Variants in FMO5 observed in about 807,000 individuals in gnomAD.
FMO5 encodes flavin-containing monooxygenase 5.
FMO5 carries 51 observed loss-of-function variants against 43.6 expected under a neutral mutation model. The ratio of observed to expected loss-of-function variants is 1.17; its 90% CI spans 0.93 to 1.48. The LOEUF is 1.48. FMO5 is among the 40% of genes most tolerant of loss of function. The pLI is 0.00. For missense variants in FMO5, 644 were observed against 643.0 expected, an observed-to-expected ratio of 1.00 and a Z score of -0.02; for synonymous variants, 187 against 216.5, an observed-to-expected ratio of 0.86 and a Z score of 1.20.
intron 2 of FMO5, chr1:147,223,740 TGCA>T: frequency 4.7e-6 from 1 of 210,648 alleles, no homozygotes; most frequent in South Asian, 6.8e-5. Context: ...TATATCAGGT[TGCA>T]GCAGCAAAGA....
At chr1:147,199,363 T>C (rs1311175836) in intron 7 of FMO5, among the ~76,000 whole-genome samples, 2 of 152,150 alleles carry the variant, frequency 1.3e-5, no homozygotes, top group African/African-American at 4.8e-5. Flanking sequence ...AACCCAGAGT[T>C]CCTGTTGGAA....
chr1:147,207,103 G>A (rs1046825654), intron 6 of FMO5, among the ~76,000 whole-genome samples: 1 of 152,016 alleles, frequency 6.6e-6, no homozygotes, highest in South Asian at 2.1e-4. Context: ...TTTTATCAAT[G>A]TTAAATTTCC....
chr1:147,194,308 T>C (rs587740240), intron 7 of FMO5, among the ~76,000 whole-genome samples: 6 of 152,294 alleles, frequency 3.9e-5, no homozygotes, highest in African/African-American at 1.4e-4. Context: ...AAGTCTGTTT[T>C]ATCAGAGACT....
chr1:147,224,752 C>T, intron 2 of FMO5, 143 bp downstream of exon 2: 3 of 706,006 alleles, frequency 4.2e-6, no homozygotes, highest in Non-Finnish European at 7.3e-6. Context: ...CCTCGTGATC[C>T]GCCCGCCTCG....
chr1:147,224,837 G>A (rs1189311450), intron 2 of FMO5, 58 bp downstream of exon 2: 6 of 1,536,152 alleles, frequency 3.9e-6, no homozygotes, highest in Non-Finnish European at 5.4e-6. Flanking sequence ...ATAAACTGTC[G>A]TATGCACCTA....
chr1:147,203,585 C>CG (rs1659435329), intron 6 of FMO5: 2 of 1,068,434 alleles, frequency 1.9e-6, no homozygotes, highest in Non-Finnish European at 2.9e-6. Flanking sequence ...TGCCAGTGCA[C>CG]GGGGAATAGC....
At chr1:147,204,079 A>G (rs1045984435) in intron 6 of FMO5, 2 of 1,117,002 alleles carry the variant, frequency 1.8e-6, no homozygotes, top group African/African-American at 3.1e-5. Context: ...TTGCACCAGT[A>G]TCAGCAATAG....
At chr1:147,206,979 T>G (rs1287339792) in intron 6 of FMO5, among the ~76,000 whole-genome samples, 1 of 151,668 alleles carries the variant, frequency 6.6e-6, no homozygotes, top group Admixed American at 6.6e-5. Flanking sequence ...ACATGACAAC[T>G]AAATGTAATG....
chr1:147,187,357 G>A, intron 8 of FMO5, 112 bp from the exon 9 acceptor site: 2 of 707,264 alleles, frequency 2.8e-6, no homozygotes, highest in Non-Finnish European at 4.7e-6. Context: ...AGGAGCTGTG[G>A]AATATAGAGA....
At chr1:147,198,776 A>G (rs587645632) in intron 7 of FMO5, among the ~76,000 whole-genome samples, 2 of 148,776 alleles carry the variant, frequency 1.3e-5, no homozygotes, top group East Asian at 4.1e-4. Context: ...GCCTGAACCC[A>G]GAAGGTGGAA....
At chr1:147,224,586 T>C (rs1167371882) in intron 2 of FMO5, among the ~76,000 whole-genome samples, 1 of 152,088 alleles carries the variant, frequency 6.6e-6, no homozygotes, top group South Asian at 2.1e-4. Flanking sequence ...CTCGGCTCAC[T>C]GCAAGCTCTG....
chr1:147,213,212 C>G (rs145002307), intron 4 of FMO5, 96 bp downstream of exon 4: 11 of 1,020,534 alleles, frequency 1.1e-5, no homozygotes, highest in Non-Finnish European at 1.5e-5. Context: ...TTACTTCATT[C>G]CAAAGTAGGA....
intron 7 of FMO5, 119 bp from the exon 8 acceptor site, chr1:147,190,368 A>G: frequency 1.6e-6 from 1 of 625,682 alleles, no homozygotes. Context: ...CCTGTACTCA[A>G]GGAGGTTACA....
Position 147,224,962 on chromosome 1 carries a change from A to G in FMO5, c.68T>C (p.Val23Ala). The stretch of plus-strand genomic sequence containing the variant: ...GCAGACAGGTTCCAAGCCTTCTTCT[A>G]CGCAGCACTTGATGGAAGAGAGCCC... ...VSGLSSIKCC[V>A]EEGLEPVCFE... Residue 23 changes from valine to alanine, a missense_variant, in exon 2 of 9, where the codon GTA (valine) becomes GCA (alanine). By Grantham distance (64) the Val-to-Ala change is moderately conservative. Transcript: ENST00000254090. The G allele has an allele frequency of 6.2e-7, 1 of 1,614,048 alleles. No homozygotes were observed. The highest frequency in any genetic ancestry group is 8.5e-7 in the Non-Finnish European group (1 of 1,179,994).
Position 147,204,750 on chromosome 1 carries a change from C to T in FMO5, c.831-3246G>A, listed in dbSNP as rs1242718149. The T allele has an allele frequency of 2.6e-6, 4 of 1,529,734 alleles. No individual in the cohort carries two copies. The African/African-American group carries it at 5.5e-5, about 21-fold the overall frequency. The allele number at this position is 1,529,734 out of a possible 1,614,324, so 94.8% of individuals were successfully genotyped here. ...CTGCATCATTTGTCACAAACAACTT[C>T]TCCAAGTGGTTGATAACCATTTTTT... On this transcript the variant is annotated intron_variant, in intron 6 of 8. Coordinates refer to ENST00000254090, the MANE Select transcript of FMO5 (RefSeq NM_001461.4).
At chr1:147,222,635 C>A (rs1484588020) in intron 2 of FMO5, among the ~76,000 whole-genome samples, 7 of 152,112 alleles carry the variant, frequency 4.6e-5, no homozygotes, top group Non-Finnish European at 1.0e-4. Flanking sequence ...AACGGTGAAC[C>A]ACACAGGTGT....
intron 7 of FMO5, among the ~76,000 whole-genome samples, chr1:147,194,488 G>T (rs1360141981): frequency 6.6e-6 from 1 of 152,096 alleles, no homozygotes; most frequent in Non-Finnish European, 1.5e-5. Flanking sequence ...ATTTTAATTG[G>T]AGCATTTAGC....
intron 5 of FMO5, chr1:147,210,002 A>G (rs1310375021): frequency 1.3e-5 from 2 of 152,244 alleles, no homozygotes; most frequent in Non-Finnish European, 2.9e-5. Context: ...CATCCACAGC[A>G]GATTATCATC....
At chr1:147,190,561 G>A (rs587681491) in intron 7 of FMO5, among the ~76,000 whole-genome samples, 24 of 152,176 alleles carry the variant, frequency 1.6e-4, no homozygotes, top group African/African-American at 5.5e-4. Context: ...TGGACTTAAA[G>A]GTATATGGAA....
Sources: allele counts gnomAD v4.1 joint callset (sites outside exome capture counted in the v4.1 genomes callset), GRCh38; gene constraint gnomAD v4.1.1; transcripts MANE v1.5; gene names NCBI Gene and HGNC (gene_info 2026-07-23, HGNC 2026-07-21).